The following KLHL8 variants were observed in gnomAD, a reference collection of about 807,000 sequenced individuals.
KLHL8 encodes kelch-like protein 8.
KLHL8 carries 38 observed loss-of-function variants against 63.5 expected under a neutral mutation model. The ratio of observed to expected loss-of-function variants is 0.60; its 90% CI spans 0.46 to 0.78. The LOEUF (loss-of-function observed/expected upper bound fraction) is 0.78, where lower values mean the gene tolerates loss of function less well. Among genes scored for constraint, KLHL8 ranks in the 30% least tolerant of loss-of-function variants. KLHL8 has a pLI of 0.00. For synonymous variants in KLHL8, 224 were observed against 254.3 expected, an observed-to-expected ratio of 0.88 and a Z score of 1.13; for missense variants, 566 against 752.4, an observed-to-expected ratio of 0.75 and a Z score of 2.90.
chr4:87,206,237 TG>T (rs1297728390), intron 1 of KLHL8, among the ~76,000 whole-genome samples: 1 of 152,192 alleles, frequency 6.6e-6, no homozygotes, highest in African/African-American at 2.4e-5. Flanking sequence ...TGGATTGTAG[TG>T]ACTTCCCCTA....
chr4:87,222,328 C>A (rs547026001), upstream of KLHL8, among the ~76,000 whole-genome samples: 13 of 152,250 alleles, frequency 8.5e-5, no homozygotes, highest in Admixed American at 7.8e-4. Context: ...CCTTAAGTTG[C>A]CACATTTCCC....
intron 8 of KLHL8, 37 bp downstream of exon 8, chr4:87,170,040 GTA>G (rs1183799368): frequency 6.6e-7 from 1 of 1,516,192 alleles, no homozygotes; most frequent in East Asian, 2.3e-5. Flanking sequence ...ACTTGTCATT[GTA>G]TATACTGATA....
chr4:87,206,888 T>TC (rs1270303271), intron 1 of KLHL8, among the ~76,000 whole-genome samples: 4 of 152,230 alleles, frequency 2.6e-5, no homozygotes, highest in African/African-American at 7.2e-5. Context: ...CACAGTCTAC[T>TC]CTTTTTTGAA....
intron 8 of KLHL8, among the ~76,000 whole-genome samples, chr4:87,169,299 T>C (rs1296087351): frequency 6.6e-6 from 1 of 152,082 alleles, no homozygotes; most frequent in Non-Finnish European, 1.5e-5. Context: ...AGCAAAACTC[T>C]ATCTCAAAAA....
chr4:87,236,126 G>A (rs1475864187), intron 1 of KLHL8, among the ~76,000 whole-genome samples: 1 of 152,014 alleles, frequency 6.6e-6, no homozygotes, highest in Non-Finnish European at 1.5e-5. Flanking sequence ...AGAGTTTTAT[G>A]TAAGATTTGT....
chr4:87,167,741 G>A, intron 8 of KLHL8: 1 of 326,904 alleles, frequency 3.1e-6, no homozygotes, highest in Non-Finnish European at 6.1e-6. Context: ...ATGATCCTGA[G>A]CTGAGGAGTA....
intron 8 of KLHL8, among the ~76,000 whole-genome samples, chr4:87,165,469 C>A (rs1730360947): frequency 6.6e-6 from 1 of 152,064 alleles, no homozygotes; most frequent in Non-Finnish European, 1.5e-5. Context: ...TCACAGCTCA[C>A]TGCACTCTCA....
At chr4:87,232,275 G>A (rs1733149503) in intron 1 of KLHL8, among the ~76,000 whole-genome samples, 1 of 152,164 alleles carries the variant, frequency 6.6e-6, no homozygotes, top group Non-Finnish European at 1.5e-5. Context: ...TAAATGGACA[G>A]AATCATACTG....
At chr4:87,239,061 CT>C (rs1733283937) in intron 1 of KLHL8, among the ~76,000 whole-genome samples, 1 of 152,140 alleles carries the variant, frequency 6.6e-6, no homozygotes, top group Non-Finnish European at 1.5e-5. Context: ...GCTCTGGATT[CT>C]TTTGTCTTCA....
At chr4:87,197,392 C>A (rs973232951) in intron 1 of KLHL8, among the ~76,000 whole-genome samples, 3 of 152,170 alleles carry the variant, frequency 2.0e-5, no homozygotes, top group African/African-American at 7.2e-5. Flanking sequence ...GAGGCTTTCA[C>A]CTGACAGTCA....
chr4:87,163,492 C>T lies in KLHL8; in HGVS notation c.*27G>A. 2 of 1,612,618 alleles carry T rather than the reference C, an allele frequency of 1.2e-6. No homozygotes were observed. The highest frequency in any genetic ancestry group is 1.7e-6 in the Non-Finnish European group (2 of 1,179,352). Reference sequence around the variant, plus strand: ...TTTCTTTTGTACCTATCAGATATGACTAAATTGTTGGTGGCCAGAACTCAA... The same window carrying T: ...TTTCTTTTGTACCTATCAGATATGATTAAATTGTTGGTGGCCAGAACTCAA... On this transcript the variant is annotated 3_prime_UTR_variant, in exon 10 of 10. Transcript: ENST00000273963.
At chr4:87,239,363 C>T (rs1733289452) in intron 1 of KLHL8, among the ~76,000 whole-genome samples, 1 of 152,196 alleles carries the variant, frequency 6.6e-6, no homozygotes, top group Non-Finnish European at 1.5e-5. Flanking sequence ...CAGGGAGAGG[C>T]TCCAGTGCGC....
chr4:87,225,624 G>C (rs902213510), intron 1 of KLHL8, among the ~76,000 whole-genome samples: 7 of 152,160 alleles, frequency 4.6e-5, no homozygotes, highest in African/African-American at 1.7e-4. Flanking sequence ...GAAAGGAGTA[G>C]GGGTGCAGCT....
chr4:87,220,514 C>G lies in KLHL8; in HGVS notation c.-248G>C, dbSNP rs1464819354. 2.0e-5 allele frequency: 3 copies of G among 152,232 alleles called. No individual in the cohort carries two copies. Among genetic ancestry groups the G allele is most frequent in the African/African-American group, 4.8e-5 (2 of 41,442 alleles). The allele number at this position is 152,232 out of a possible 1,614,324, so 9.4% of individuals were successfully genotyped here. On this transcript the variant is annotated 5_prime_UTR_variant, in exon 1 of 10. Coordinates refer to ENST00000273963, the MANE Select transcript of KLHL8 (RefSeq NM_020803.5). Reference sequence around the variant, plus strand: ...GCCGCCCTCAGCGGAACCTCACCAACCCCGCGCGAGCACCCGGCGGACGCG... The same window carrying G: ...GCCGCCCTCAGCGGAACCTCACCAAGCCCGCGCGAGCACCCGGCGGACGCG...
chr4:87,190,033 CAAAAAAAAAA>C (rs35607781), intron 2 of KLHL8, among the ~76,000 whole-genome samples: 4 of 76,762 alleles, frequency 5.2e-5, no homozygotes, highest in Admixed American at 1.5e-4. Context: ...GCCTCCATCT[CAAAAAAAAAA>C]AAAAAAAAAA....
At chr4:87,236,945 C>T (rs1018416186) in intron 1 of KLHL8, among the ~76,000 whole-genome samples, 15 of 151,994 alleles carry the variant, frequency 9.9e-5, no homozygotes, top group Admixed American at 7.9e-4. Context: ...ATTACAGGCG[C>T]GAGCCACGGC....
intron 1 of KLHL8, among the ~76,000 whole-genome samples, chr4:87,235,272 T>C (rs944885227): frequency 3.3e-5 from 5 of 152,198 alleles, no homozygotes; most frequent in African/African-American, 1.2e-4. Flanking sequence ...GTATCATTTT[T>C]TATCTTTTAT....
chr4:87,206,992 C>T, intron 1 of KLHL8: 1 of 298,668 alleles, frequency 3.3e-6, no homozygotes, highest in Non-Finnish European at 6.5e-6. Flanking sequence ...GGGTTTTTTC[C>T]CCCAATGAAA....
intron 1 of KLHL8, among the ~76,000 whole-genome samples, chr4:87,235,150 A>C (rs1184378926): frequency 6.6e-6 from 1 of 152,166 alleles, no homozygotes; most frequent in Non-Finnish European, 1.5e-5. Flanking sequence ...TAAAGTCTAC[A>C]TAGTGTACAG....
Sources: allele counts gnomAD v4.1 joint callset (sites outside exome capture counted in the v4.1 genomes callset), GRCh38; gene constraint gnomAD v4.1.1; transcripts MANE v1.5; gene names NCBI Gene and HGNC (gene_info 2026-07-23, HGNC 2026-07-21).